Variants in GMDS observed in about 807,000 individuals in gnomAD.
GMDS encodes GDP-mannose 4,6 dehydratase.
In GMDS, 20 loss-of-function variants were observed where a neutral mutation model predicts 49.9. The observed-to-expected ratio is 0.40, with a 90% CI of 0.28 to 0.58. The LOEUF is 0.58. GMDS is among the 20% of genes least tolerant of loss of function. The pLI is 0.42. For missense variants in GMDS, 362 were observed against 481.4 expected (o/e 0.75, Z 2.32); for synonymous variants, 177 against 178.6 (o/e 0.99, Z 0.07).
At chr6:1,666,732 AC>A (rs1764250671) in intron 9 of GMDS, among the ~76,000 whole-genome samples, 1 of 152,178 alleles carries the variant, frequency 6.6e-6, no homozygotes, top group Non-Finnish European at 1.5e-5. Flanking sequence ...TTCTCCTGTA[AC>A]GTCTACGGCT....
At chr6:2,062,268 C>T (rs1244239746) in intron 4 of GMDS, among the ~76,000 whole-genome samples, 1 of 152,180 alleles carries the variant, frequency 6.6e-6, no homozygotes. Flanking sequence ...GCAGCAGTCG[C>T]TCTTCTGGGG....
At chr6:2,229,327 T>C (rs1780968679) in intron 1 of GMDS, among the ~76,000 whole-genome samples, 1 of 151,726 alleles carries the variant, frequency 6.6e-6, no homozygotes, top group Non-Finnish European at 1.5e-5. Flanking sequence ...ATCCCAGCAC[T>C]TTGGGAGGCC....
At chr6:2,012,264 A>G (rs187008967) in intron 4 of GMDS, among the ~76,000 whole-genome samples, 1 of 152,310 alleles carries the variant, frequency 6.6e-6, no homozygotes, top group Non-Finnish European at 1.5e-5. Flanking sequence ...ATAGAAATAC[A>G]AATGAAATAA....
At chr6:1,719,724 T>C (rs1431607622) in intron 9 of GMDS, among the ~76,000 whole-genome samples, 2 of 152,132 alleles carry the variant, frequency 1.3e-5, no homozygotes, top group Non-Finnish European at 2.9e-5. Flanking sequence ...CAGGGACGAA[T>C]GGATCTCTCA....
intron 9 of GMDS, among the ~76,000 whole-genome samples, chr6:1,722,598 G>T (rs530918157): frequency 6.6e-6 from 1 of 152,260 alleles, no homozygotes; most frequent in African/African-American, 2.4e-5. Flanking sequence ...TAATTCTCCA[G>T]TAATTCTTTG....
intron 9 of GMDS, among the ~76,000 whole-genome samples, chr6:1,693,465 C>T (rs963976598): frequency 6.6e-6 from 1 of 152,254 alleles, no homozygotes; most frequent in African/African-American, 2.4e-5. Flanking sequence ...TTCAGTCTCC[C>T]AGCAGTGAGC....
chr6:1,908,315 G>A (rs1382928180), intron 7 of GMDS, among the ~76,000 whole-genome samples: 3 of 152,114 alleles, frequency 2.0e-5, no homozygotes, highest in Middle Eastern at 3.2e-3. Flanking sequence ...GGTTGACTGC[G>A]GACAGGTGAA....
intron 1 of GMDS, among the ~76,000 whole-genome samples, chr6:2,194,371 G>A (rs1162771364): frequency 6.6e-6 from 1 of 152,126 alleles, no homozygotes; most frequent in Non-Finnish European, 1.5e-5. Context: ...GAAGAAAGTT[G>A]GGGAAAATAT....
intron 7 of GMDS, among the ~76,000 whole-genome samples, chr6:1,902,084 G>A (rs1760529767): frequency 6.6e-6 from 1 of 152,200 alleles, no homozygotes; most frequent in Non-Finnish European, 1.5e-5. Flanking sequence ...TTTACCAAAT[G>A]CCAACTGGCT....
rs148663897 is a variant in GMDS, at chr6:2,231,663, T to C, written c.102+13658A>G. On this transcript the variant is annotated intron_variant, in intron 1 of 10. Coordinates refer to ENST00000380815, the MANE Select transcript of GMDS (RefSeq NM_001500.4). ...ACGAATGCTTACCAAGCACCTTTTA[T>C]GGTGCTCAATATCAAATGGGTACCA... is the stretch of plus-strand genomic sequence containing the variant. Among the ~76,000 whole-genome samples, 4 of 152,330 alleles carry C rather than the reference T, an allele frequency of 2.6e-5. No individual in the cohort carries two copies. In the East Asian group the frequency reaches 7.7e-4, roughly 29 times the overall value.
intron 7 of GMDS, among the ~76,000 whole-genome samples, chr6:1,863,200 A>G (rs1472936221): frequency 3.3e-5 from 5 of 152,156 alleles, no homozygotes; most frequent in Admixed American, 3.3e-4. Context: ...TGGCCCTATC[A>G]ATTAGCTCTT....
At chr6:2,224,950 C>G (rs1472096946) in intron 1 of GMDS, among the ~76,000 whole-genome samples, 2 of 152,128 alleles carry the variant, frequency 1.3e-5, no homozygotes, top group African/African-American at 4.8e-5. Flanking sequence ...ACTTGAAAGT[C>G]ACAGAACTGA....
chr6:1,851,427 T>G (rs1484977770), intron 7 of GMDS, among the ~76,000 whole-genome samples: 1 of 152,190 alleles, frequency 6.6e-6, no homozygotes, highest in Non-Finnish European at 1.5e-5. Flanking sequence ...GCAAACAATA[T>G]AATATTATAT....
intron 7 of GMDS, among the ~76,000 whole-genome samples, chr6:1,786,799 GTTTTT>G (rs35301662): frequency 6.7e-6 from 1 of 149,392 alleles, no homozygotes; most frequent in Non-Finnish European, 1.5e-5. Flanking sequence ...GTAATTTGTG[GTTTTT>G]TTTTTTATCA....
intron 7 of GMDS, among the ~76,000 whole-genome samples, chr6:1,799,042 C>G (rs1769846213): frequency 6.6e-6 from 1 of 152,174 alleles, no homozygotes; most frequent in African/African-American, 2.4e-5. Flanking sequence ...GACTTGTTTT[C>G]AAATAGGAAC....
At chr6:1,986,949 T>C (rs139843088) in intron 4 of GMDS, among the ~76,000 whole-genome samples, 3 of 152,296 alleles carry the variant, frequency 2.0e-5, no homozygotes, top group African/African-American at 4.8e-5. Context: ...AAAGGAGATA[T>C]TGTAAACACT....
intron 4 of GMDS, among the ~76,000 whole-genome samples, chr6:1,977,354 CCCTGACT>C (rs1764963446): frequency 6.6e-6 from 1 of 152,148 alleles, no homozygotes; most frequent in Non-Finnish European, 1.5e-5. Flanking sequence ...AAATACCATA[CCCTGACT>C]CTTCTATGGA....
intron 4 of GMDS, among the ~76,000 whole-genome samples, chr6:2,045,949 A>G (rs1769982879): frequency 6.6e-6 from 1 of 152,166 alleles, no homozygotes; most frequent in South Asian, 2.1e-4. Context: ...AGTGGCTTAC[A>G]CCTGTAATCC....
chr6:2,056,844 C>T lies in GMDS; in HGVS notation c.345+58927G>A, dbSNP rs73716928. ...CTGCAACCAGGTAATAAAAAGTTCA[C>T]TTTACACCAACCAAAAGTATTCTGA... On this transcript the variant is annotated intron_variant, in intron 4 of 10. Transcript: ENST00000380815. Among the ~76,000 whole-genome samples the T allele has an allele frequency of 4.7e-3, 713 of 152,222 alleles. 6 individuals are homozygous for T. Among genetic ancestry groups the T allele is most frequent in the African/African-American group, 0.017 (687 of 41,522 alleles).
Sources: gnomAD v4.1 joint callset for allele counts (sites outside exome capture counted in the v4.1 genomes callset) on GRCh38, gnomAD v4.1.1 for gene constraint, MANE v1.5 for transcripts, NCBI Gene and HGNC (gene_info 2026-07-23, HGNC 2026-07-21) for gene names.